The following LINGO1 variants were observed in gnomAD, a reference collection of about 807,000 sequenced individuals.
The protein encoded by LINGO1 is leucine-rich repeat and immunoglobulin-like domain-containing nogo receptor-interacting protein 1.
Under a neutral mutation model 37.3 loss-of-function variants are expected in LINGO1, and 11 were observed. The observed-to-expected ratio is 0.29, with a 90% CI of 0.19 to 0.49. The LOEUF (loss-of-function observed/expected upper bound fraction) is 0.49, where lower values mean the gene tolerates loss of function less well. Ranked by LOEUF, LINGO1 falls within the 20% of genes least tolerant of loss-of-function variation. LINGO1 has a pLI of 0.99. For synonymous variants in LINGO1, 387 were observed against 403.0 expected (o/e 0.96, Z 0.48); for missense variants, 585 against 878.2 (o/e 0.67, Z 4.22).
At chr15:77,769,644 T>G (rs1395584211) in intron 1 of LINGO1, among the ~76,000 whole-genome samples, 2 of 152,080 alleles carry the variant, frequency 1.3e-5, no homozygotes, top group African/African-American at 4.8e-5. Flanking sequence ...GGGGGAAGAC[T>G]GCCAAGCACC....
chr15:77,614,042 C>T lies in LINGO1; in HGVS notation c.*2G>A. 2.5e-6 allele frequency: 4 copies of T among 1,571,048 alleles called. No homozygotes were observed. The highest frequency in any genetic ancestry group is 3.5e-6 in the Non-Finnish European group (4 of 1,157,404). On this transcript the variant is annotated 3_prime_UTR_variant, in exon 2 of 2. Coordinates refer to ENST00000355300, the MANE Select transcript of LINGO1 (RefSeq NM_032808.7). ...CGGGGGTCCCTGCCCCCCGCCCCGG[C>T]CTCATATCATCTTCATGTTGAACTT...
intron 2 of LINGO1, among the ~76,000 whole-genome samples, chr15:77,709,424 G>T (rs991733523): frequency 9.9e-5 from 15 of 152,228 alleles, no homozygotes; most frequent in Non-Finnish European, 2.2e-4. Flanking sequence ...TTTGGAAACT[G>T]AGGCCAAGAA....
At chr15:77,630,085 C>T (rs548543247) in intron 1 of LINGO1, among the ~76,000 whole-genome samples, 17 of 152,134 alleles carry the variant, frequency 1.1e-4, no homozygotes, top group Middle Eastern at 3.4e-3. Context: ...AGGCCACTTC[C>T]ACAGAGTGCC....
intron 1 of LINGO1, among the ~76,000 whole-genome samples, chr15:77,797,251 C>T (rs8031598): frequency 6.6e-6 from 1 of 152,212 alleles, no homozygotes. Context: ...ACCTCTCAGA[C>T]CAAGTCCCAA....
chr15:77,726,010 C>G (rs1375690594), intron 2 of LINGO1, among the ~76,000 whole-genome samples: 1 of 152,210 alleles, frequency 6.6e-6, no homozygotes, highest in Admixed American at 6.5e-5. Context: ...CAGCTCAGAG[C>G]TTCTGCCAGC....
At chr15:77,797,126 G>C (rs1449137662) in intron 1 of LINGO1, among the ~76,000 whole-genome samples, 1 of 152,186 alleles carries the variant, frequency 6.6e-6, no homozygotes, top group Non-Finnish European at 1.5e-5. Context: ...GGCGTCCATG[G>C]TGCAGGACAT....
In LINGO1 at chr15:77,632,824, G is replaced by A. The variant is rs1317211154; in HGVS notation, c.-509C>T. Among the ~76,000 whole-genome samples the A allele has an allele frequency of 6.7e-6, 1 of 148,522 alleles. No individual in the cohort carries two copies. The highest frequency in any genetic ancestry group is 1.5e-5 in the Non-Finnish European group (1 of 66,738). On this transcript the variant is annotated 5_prime_UTR_variant, in exon 1 of 2. Transcript: ENST00000355300. This position sits in a 1 kb window ranked among gnomAD's most constrained non-coding sequence, Gnocchi z 6.0. ...ACCAGGACCCACCGCCGCCGCCGCCGCCTGCGCTGTCGCCCGCCGCCCGCT... is the reference window on the plus strand; with the variant it reads ...ACCAGGACCCACCGCCGCCGCCGCCACCTGCGCTGTCGCCCGCCGCCCGCT...
At chr15:77,772,725 TG>T (rs1177347749) in intron 1 of LINGO1, among the ~76,000 whole-genome samples, 1 of 151,542 alleles carries the variant, frequency 6.6e-6, no homozygotes, top group Non-Finnish European at 1.5e-5. Context: ...GAGGTGAGAG[TG>T]GGTAAGTTTG....
At chr15:77,680,414 ATGT>A (rs2041345472) in intron 2 of LINGO1, among the ~76,000 whole-genome samples, 1 of 152,214 alleles carries the variant, frequency 6.6e-6, no homozygotes, top group Non-Finnish European at 1.5e-5. Context: ...CTTGCTGCAT[ATGT>A]TGTTAGAACA....
At chr15:77,618,332 T>G (rs2073799757) in intron 1 of LINGO1, among the ~76,000 whole-genome samples, 1 of 152,096 alleles carries the variant, frequency 6.6e-6, no homozygotes, top group South Asian at 2.1e-4. Flanking sequence ...TTCCCACCAG[T>G]CCCTGAGCAA....
intron 2 of LINGO1, among the ~76,000 whole-genome samples, chr15:77,717,068 G>A (rs1013529396): frequency 2.3e-4 from 25 of 107,440 alleles, no homozygotes; most frequent in African/African-American, 7.0e-4. Context: ...GGAAGCCTGA[G>A]CCGCGGGGTG....
intron 2 of LINGO1, among the ~76,000 whole-genome samples, chr15:77,715,107 C>T (rs999620958): frequency 6.6e-6 from 1 of 152,212 alleles, no homozygotes; most frequent in Non-Finnish European, 1.5e-5. Context: ...GGCCAGCCTA[C>T]TCTGCAAGGT....
At chr15:77,787,282 A>G (rs2076781246), upstream of LINGO1, 1 of 152,252 alleles carries the variant, frequency 6.6e-6, no homozygotes, top group South Asian at 2.1e-4. Context: ...TACCATCCTT[A>G]GCAAATCCCA....
chr15:77,629,855 A>G (rs1366009366), intron 1 of LINGO1, among the ~76,000 whole-genome samples: 1 of 152,158 alleles, frequency 6.6e-6, no homozygotes, highest in Non-Finnish European at 1.5e-5. Context: ...AGTGCAAACA[A>G]GTGTGGTTCT....
At chr15:77,791,728 G>A (rs1049375028), upstream of LINGO1, among the ~76,000 whole-genome samples, 2 of 152,110 alleles carry the variant, frequency 1.3e-5, no homozygotes, top group South Asian at 4.1e-4. Context: ...CCTTACAAGA[G>A]GAAAGGGTGA....
At chr15:77,776,556 G>GGAAGGCAGGAAGGCAGGAAGGCA (rs1307931922) in intron 1 of LINGO1, among the ~76,000 whole-genome samples, 2 of 150,660 alleles carry the variant, frequency 1.3e-5, no homozygotes, top group East Asian at 1.9e-4. Flanking sequence ...GAGGGAGGGA[G>GGAAGGCAGGAAGGCAGGAAGGCA]GGAGCTGACT....
rs566044283 is a variant in LINGO1, at chr15:77,766,995, T to C, written c.-257+19874A>G. Among the ~76,000 whole-genome samples, 145 of 151,742 alleles carry C rather than the reference T, an allele frequency of 9.6e-4. 1 individual carries two copies. The highest frequency in any genetic ancestry group is 6.8e-3 in the Middle Eastern group (2 of 292). On this transcript the variant is annotated intron_variant, in intron 1 of 3. Transcript: ENST00000561686. ...GAGGGAAAAGATAAGGGAGCCAGAG[T>C]TCCCTCCAGGAAGCACAACATCTGG...
At chr15:77,644,812 C>T (rs528261671) in intron 3 of LINGO1, among the ~76,000 whole-genome samples, 15 of 152,262 alleles carry the variant, frequency 9.9e-5, no homozygotes, top group African/African-American at 3.4e-4. Flanking sequence ...CCAGGACCAG[C>T]GGCCAGGCCT....
At chr15:77,634,961 C>T (rs902001361), upstream of LINGO1, among the ~76,000 whole-genome samples, 3 of 152,186 alleles carry the variant, frequency 2.0e-5, no homozygotes, top group Non-Finnish European at 4.4e-5. Context: ...GCAGGCAAGG[C>T]GCGGCCACCA....
Sources: gnomAD v4.1 joint callset for allele counts (sites outside exome capture counted in the v4.1 genomes callset) on GRCh38, gnomAD v4.1.1 for gene constraint, Gnocchi (gnomAD v3.1) non-coding constraint, MANE v1.5 for transcripts, NCBI Gene and HGNC (gene_info 2026-07-23, HGNC 2026-07-21) for gene names.